Variants in UNC5A observed in about 807,000 individuals in gnomAD.
The protein encoded by UNC5A is unc-5 netrin receptor A, also known as netrin receptor UNC5A.
Under a neutral mutation model 87.4 loss-of-function variants are expected in UNC5A, and 20 were observed. The observed-to-expected ratio is 0.23, with a 90% CI of 0.16 to 0.33. The LOEUF (loss-of-function observed/expected upper bound fraction) is 0.33, where lower values mean the gene tolerates loss of function less well. UNC5A is among the 10% of genes least tolerant of loss of function. The pLI, the probability that UNC5A is intolerant of heterozygous loss-of-function variation, is 1.00. For missense variants in UNC5A, 844 were observed against 1,133.4 expected, an observed-to-expected ratio of 0.74 and a Z score of 3.67; for synonymous variants, 438 against 482.3, an observed-to-expected ratio of 0.91 and a Z score of 1.20.
chr5:176,867,993 T>A (rs1191846163), intron 2 of UNC5A, 137 bp from the exon 3 acceptor site: 4 of 616,018 alleles, frequency 6.5e-6, no homozygotes, highest in Non-Finnish European at 9.3e-6. Flanking sequence ...AATATAATAA[T>A]AATAAAATTT....
At chr5:176,861,230 G>A (rs1246001987) in intron 1 of UNC5A, among the ~76,000 whole-genome samples, 2 of 152,184 alleles carry the variant, frequency 1.3e-5, no homozygotes, top group Admixed American at 6.5e-5. Flanking sequence ...AGCAGCCTAC[G>A]CTCCCTGAGC....
chr5:176,868,929 G>C lies in UNC5A; in HGVS notation c.686G>C (p.Arg229Pro). The C allele has an allele frequency of 6.2e-7, 1 of 1,611,680 alleles. No homozygotes were observed. The change falls in exon 5 of 15, where the codon CGT (arginine) becomes CCT (proline). Residue 229 changes from arginine (R) to proline (P), a missense_variant. Around this residue, in one of 3 missense-constraint regions of UNC5A, gnomAD observed 314 missense variants for 466.5 expected, o/e 0.67. Coordinates refer to ENST00000329542, the MANE Select transcript of UNC5A (RefSeq NM_133369.3). ...YTCVAKNIVA[R>P]RRSASAAVIV... ...TGCGTGGCCAAGAACATCGTGGCACGTCGCCGCAGCGCCTCCGCTGCTGTC... is the reference window on the plus strand; with the variant it reads ...TGCGTGGCCAAGAACATCGTGGCACCTCGCCGCAGCGCCTCCGCTGCTGTC...
intron 1 of UNC5A, among the ~76,000 whole-genome samples, chr5:176,850,075 G>C (rs1757506988): frequency 1.3e-5 from 2 of 152,230 alleles, no homozygotes; most frequent in Admixed American, 1.3e-4. Context: ...GATCATGGGA[G>C]GCCGAGGAGC....
chr5:176,829,269 C>CTGGA (rs70991574), intron 1 of UNC5A, among the ~76,000 whole-genome samples: 99,377 of 123,994 alleles, frequency 0.8, 43,740 homozygotes, highest in Non-Finnish European at 0.95. Flanking sequence ...GGATGGGTGG[C>CTGGA]TGGATGGATG....
chr5:176,868,567 G>C lies in UNC5A; in HGVS notation c.443G>C (p.Arg148Pro). Residue 148 changes from arginine (R) to proline (P), a missense_variant, in exon 4 of 15, where the codon CGC becomes CCC. Transcript: ENST00000329542. ...QKAYIRIAYLRKNFEQEPLAK... is the reference protein window; with the variant it reads ...QKAYIRIAYLPKNFEQEPLAK... ...ACTCTCATTCCTCTTCTAGATTTGCGCAAGAACTTCGAGCAGGAGCCGCTG... is the reference window on the plus strand; with the variant it reads ...ACTCTCATTCCTCTTCTAGATTTGCCCAAGAACTTCGAGCAGGAGCCGCTG... The C allele has an allele frequency of 6.2e-7, 1 of 1,600,888 alleles. No homozygotes were observed. The highest frequency in any genetic ancestry group is 1.3e-5 in the African/African-American group (1 of 74,892).
intron 1 of UNC5A, among the ~76,000 whole-genome samples, chr5:176,847,861 C>T (rs1183419074): frequency 2.6e-5 from 4 of 152,024 alleles, no homozygotes; most frequent in Admixed American, 2.6e-4. Flanking sequence ...TACCCTCCCC[C>T]GCCAAAACCA....
At chr5:176,823,723 T>G (rs1372348148) in intron 1 of UNC5A, among the ~76,000 whole-genome samples, 1 of 150,144 alleles carries the variant, frequency 6.7e-6, no homozygotes, top group Non-Finnish European at 1.5e-5. Flanking sequence ...CAGGGGCAGG[T>G]GGCCTCGGTG....
At chr5:176,850,455 T>G (rs1451087483) in intron 1 of UNC5A, among the ~76,000 whole-genome samples, 1 of 150,374 alleles carries the variant, frequency 6.7e-6, no homozygotes, top group East Asian at 2.0e-4. Flanking sequence ...ATGAGTTAGG[T>G]GGCCACGAGG....
chr5:176,832,435 A>G (rs908017877), intron 1 of UNC5A, among the ~76,000 whole-genome samples: 1 of 152,138 alleles, frequency 6.6e-6, no homozygotes, highest in Non-Finnish European at 1.5e-5. Context: ...TTTTGCTTCT[A>G]TTGCTGTTCA....
chr5:176,830,650 T>TCG (rs1554097044), intron 1 of UNC5A, among the ~76,000 whole-genome samples: 1 of 56,212 alleles, frequency 1.8e-5, no homozygotes, highest in Non-Finnish European at 3.4e-5. Context: ...GCGTGTGCAT[T>TCG]TGTGTGTGTG....
At chr5:176,832,176 C>T (rs981902032) in intron 1 of UNC5A, among the ~76,000 whole-genome samples, 4 of 152,196 alleles carry the variant, frequency 2.6e-5, no homozygotes, top group African/African-American at 9.7e-5. Flanking sequence ...GGATTGCAGG[C>T]GTGCGCCACC....
intron 1 of UNC5A, among the ~76,000 whole-genome samples, chr5:176,836,236 G>A (rs1274710661): frequency 1.3e-5 from 2 of 152,320 alleles, no homozygotes; most frequent in Middle Eastern, 3.4e-3. Flanking sequence ...GACATGATGC[G>A]AAGGGGAGAT....
At chr5:176,843,868 T>A (rs1561651287) in intron 1 of UNC5A, among the ~76,000 whole-genome samples, 1 of 152,226 alleles carries the variant, frequency 6.6e-6, no homozygotes, top group South Asian at 2.1e-4. Context: ...CCTGGCGTTC[T>A]GACAGACGTG....
rs150325936 is a variant in UNC5A at position 176,815,922 on chromosome 5, T to C, written c.70+5102T>C. On this transcript the variant is annotated intron_variant, in intron 1 of 14. Coordinates refer to ENST00000329542, the MANE Select transcript of UNC5A (RefSeq NM_133369.3). ...GTTTGGAGGTTCTGAAGATGAAGAT[T>C]TGGGCTCAGCTTTTCATGCAACTGT... is the stretch of plus-strand genomic sequence containing the variant. 1.4e-3 allele frequency among the ~76,000 whole-genome samples: 213 copies of C among 152,334 alleles called. 1 individual carries two copies. Among genetic ancestry groups the C allele is most frequent in the African/African-American group, 5.0e-3 (208 of 41,582 alleles).
At chr5:176,862,879 C>G in intron 2 of UNC5A, 34 bp downstream of exon 2, 1 of 1,608,278 alleles carries the variant, frequency 6.2e-7, no homozygotes, top group East Asian at 2.2e-5. Flanking sequence ...AGGGCCAATC[C>G]GGGGGAGGCG....
chr5:176,855,953 G>A (rs946523475), intron 1 of UNC5A, among the ~76,000 whole-genome samples: 7 of 152,270 alleles, frequency 4.6e-5, no homozygotes, highest in South Asian at 2.1e-4. Context: ...TTCCTCAACC[G>A]CGCCGTGTGG....
intron 2 of UNC5A, among the ~76,000 whole-genome samples, chr5:176,863,397 G>C (rs935691262): frequency 1.3e-5 from 2 of 152,182 alleles, no homozygotes; most frequent in Admixed American, 6.5e-5. Flanking sequence ...CTGTCTTAGG[G>C]GATCTCAAGC....
chr5:176,812,563 C>T (rs1401713137), intron 1 of UNC5A, among the ~76,000 whole-genome samples: 1 of 152,138 alleles, frequency 6.6e-6, no homozygotes, highest in African/African-American at 2.4e-5. Flanking sequence ...TAAGGGGGCA[C>T]AGGTACCGGT....
chr5:176,860,827 T>C (rs1757818321), intron 1 of UNC5A, among the ~76,000 whole-genome samples: 1 of 152,026 alleles, frequency 6.6e-6, no homozygotes, highest in South Asian at 2.1e-4. Context: ...CTGCGGAACA[T>C]GCGGGGGGCA....
Sources: allele counts gnomAD v4.1 joint callset (sites outside exome capture counted in the v4.1 genomes callset), GRCh38; gene constraint gnomAD v4.1.1; regional missense constraint gnomAD v4.1.1; transcripts MANE v1.5; gene names NCBI Gene and HGNC (gene_info 2026-07-23, HGNC 2026-07-21).